Variants in NCAM2 observed in about 807,000 individuals in gnomAD.
The protein encoded by NCAM2 is N-CAM-2.
In NCAM2, 30 loss-of-function variants were observed where a neutral mutation model predicts 98.1. That is an observed-to-expected ratio of 0.31 (90% CI 0.23 to 0.41). NCAM2 has a LOEUF of 0.41. NCAM2 is among the 10% of genes least tolerant of loss of function. NCAM2 has a pLI of 1.00. For missense variants in NCAM2, 867 were observed against 1,005.8 expected (o/e 0.86, Z 1.87); for synonymous variants, 368 against 342.4 (o/e 1.07, Z -0.83).
chr21:21,478,689 A>G (rs73216076), intron 15 of NCAM2, among the ~76,000 whole-genome samples: 4,505 of 152,254 alleles, frequency 0.03, 102 homozygotes, highest in Middle Eastern at 0.11. Flanking sequence ...CCCTGGAAAT[A>G]ACACTGGTAT....
chr21:21,316,759 G>T (rs560423046), intron 5 of NCAM2, among the ~76,000 whole-genome samples: 1 of 151,876 alleles, frequency 6.6e-6, no homozygotes, highest in African/African-American at 2.4e-5. Context: ...GGCCAGGCTG[G>T]TCTCAAACTC....
intron 1 of NCAM2, among the ~76,000 whole-genome samples, chr21:21,040,323 T>C (rs1285417814): frequency 1.3e-5 from 2 of 152,160 alleles, no homozygotes; most frequent in African/African-American, 4.8e-5. Context: ...ACTGCCAGTT[T>C]GAGTTCTGGT....
chr21:21,206,893 G>T (rs552019609), intron 1 of NCAM2, among the ~76,000 whole-genome samples: 1 of 152,116 alleles, frequency 6.6e-6, no homozygotes, highest in African/African-American at 2.4e-5. Flanking sequence ...GATTATTATA[G>T]ATATTAAATT....
chr21:21,136,640 T>TGTTTTG (rs1555889527), intron 1 of NCAM2, among the ~76,000 whole-genome samples: 1 of 147,888 alleles, frequency 6.8e-6, no homozygotes. Flanking sequence ...GTTTTTTTTT[T>TGTTTTG]TATTTTTAGT....
chr21:21,077,153 T>C lies in NCAM2; in HGVS notation c.55+78535T>C, dbSNP rs1312790535. Among the ~76,000 whole-genome samples the C allele has an allele frequency of 2.0e-5, 3 of 152,322 alleles. No homozygotes were observed. The East Asian group carries it at 5.8e-4, about 29-fold the overall frequency. On this transcript the variant is annotated intron_variant, in intron 1 of 17. Transcript: ENST00000400546. ...AAGCTTTTCCTGTTTCCAAGAAAAC[T>C]TTATGGCAACATCGTTTAGATGAGG...
intron 11 of NCAM2, among the ~76,000 whole-genome samples, chr21:21,422,073 G>A (rs1439560397): frequency 6.7e-6 from 1 of 150,006 alleles, no homozygotes; most frequent in African/African-American, 2.5e-5. Context: ...AGTGAATGGA[G>A]TGGAAGGAGT....
chr21:21,534,007 C>A (rs1443134733), intron 16 of NCAM2, among the ~76,000 whole-genome samples: 1 of 151,904 alleles, frequency 6.6e-6, no homozygotes, highest in African/African-American at 2.4e-5. Context: ...ATCTTTCATA[C>A]AAATGGATAG....
intron 1 of NCAM2, among the ~76,000 whole-genome samples, chr21:21,066,931 G>T (rs2065453169): frequency 6.6e-6 from 1 of 151,890 alleles, no homozygotes; most frequent in African/African-American, 2.4e-5. Flanking sequence ...TGTAGCGTGT[G>T]TTAGAGATAC....
chr21:21,483,606 GTTGT>G (rs137996839), intron 15 of NCAM2, among the ~76,000 whole-genome samples: 5,483 of 152,002 alleles, frequency 0.036, 320 homozygotes, highest in African/African-American at 0.13. Flanking sequence ...TACATTTATG[GTTGT>G]TTTAGAACAT....
At chr21:21,296,728 G>A (rs1211222967) in intron 5 of NCAM2, among the ~76,000 whole-genome samples, 2 of 151,786 alleles carry the variant, frequency 1.3e-5, no homozygotes, top group East Asian at 3.9e-4. Context: ...GAAATGAAGA[G>A]GAAGGCGTAC....
In NCAM2 at chr21:21,517,467, T is replaced by C. The variant is rs528334678; in HGVS notation, c.2282+8412T>C. Among the ~76,000 whole-genome samples, 7 of 152,282 alleles carry C rather than the reference T, an allele frequency of 4.6e-5. No homozygotes were observed. In the South Asian group the frequency reaches 1.5e-3, roughly 32 times the overall value. ...ATTCTGTAGATAGTATGCAAGGAAC[T>C]AGAGGGATAGAAAGCTATGTGTTCT... On this transcript the variant is annotated intron_variant, in intron 16 of 17. Coordinates refer to ENST00000400546, the MANE Select transcript of NCAM2 (RefSeq NM_004540.5).
chr21:21,505,120 C>T (rs892890510), intron 15 of NCAM2, among the ~76,000 whole-genome samples: 2 of 151,738 alleles, frequency 1.3e-5, no homozygotes, highest in South Asian at 4.2e-4. Context: ...AAGCAACCTA[C>T]GATTGTAATA....
chr21:21,081,255 T>C (rs2065791820), intron 1 of NCAM2, among the ~76,000 whole-genome samples: 1 of 152,210 alleles, frequency 6.6e-6, no homozygotes. Context: ...ATGCACATGC[T>C]GGAGCTCACT....
At chr21:21,042,063 A>G (rs1753333942) in intron 1 of NCAM2, among the ~76,000 whole-genome samples, 1 of 152,228 alleles carries the variant, frequency 6.6e-6, no homozygotes, top group South Asian at 2.1e-4. Flanking sequence ...TCAAACTATA[A>G]CACATATACA....
intron 10 of NCAM2, among the ~76,000 whole-genome samples, chr21:21,412,498 A>AT (rs1334358233): frequency 6.6e-6 from 1 of 152,124 alleles, no homozygotes; most frequent in South Asian, 2.1e-4. Context: ...TCATCTTGAC[A>AT]TTTTTTAGTT....
At chr21:21,479,635 G>A (rs1463042644) in intron 15 of NCAM2, among the ~76,000 whole-genome samples, 2 of 138,222 alleles carry the variant, frequency 1.4e-5, no homozygotes, top group Non-Finnish European at 3.2e-5. Flanking sequence ...CCAACAATAC[G>A]TGTAGACAAA....
chr21:21,072,241 A>G (rs1012937680), intron 1 of NCAM2, among the ~76,000 whole-genome samples: 1 of 152,126 alleles, frequency 6.6e-6, no homozygotes, highest in Admixed American at 6.6e-5. Flanking sequence ...GGTAGCGAAT[A>G]TGACATGTTT....
Position 21,468,749 on chromosome 21 carries a change from C to A in NCAM2, c.1862C>A (p.Ala621Asp). Residue 621 changes from alanine to aspartate, a missense_variant, in exon 14 of 18, where the codon GCC becomes GAC. Transcript: ENST00000400546. ...ATCACCAAACAGGACGATGGAGGGGCCCCTATTTTGGAATACATTGTGAAA... is the reference window on the plus strand; with the variant it reads ...ATCACCAAACAGGACGATGGAGGGGACCCTATTTTGGAATACATTGTGAAA... ...LSITKQDDGGAPILEYIVKYR... is the reference protein window; with the variant it reads ...LSITKQDDGGDPILEYIVKYR... The A allele has an allele frequency of 6.2e-7, 1 of 1,611,538 alleles. No homozygotes were observed. Among genetic ancestry groups the A allele is most frequent in the Non-Finnish European group, 8.5e-7 (1 of 1,178,498 alleles).
At chr21:21,416,610 G>A (rs904371140) in intron 10 of NCAM2, among the ~76,000 whole-genome samples, 3 of 152,066 alleles carry the variant, frequency 2.0e-5, no homozygotes, top group African/African-American at 7.2e-5. Context: ...ATCAGTAGAT[G>A]TTTCTAGTAG....
Sources: gnomAD v4.1 joint callset for allele counts (sites outside exome capture counted in the v4.1 genomes callset) on GRCh38, gnomAD v4.1.1 for gene constraint, MANE v1.5 for transcripts, NCBI Gene and HGNC (gene_info 2026-07-23, HGNC 2026-07-21) for gene names.